STK32B: variants seen among roughly 807,000 people sequenced by gnomAD.
STK32B encodes serine/threonine-protein kinase 32B.
Under a neutral mutation model 52.6 loss-of-function variants are expected in STK32B, and 43 were observed. The observed-to-expected ratio is 0.82, with a 90% confidence interval of 0.64 to 1.05. STK32B has a LOEUF of 1.05. STK32B is among the 50% of genes least tolerant of loss of function. The probability of loss-of-function intolerance (pLI) is 0.00; values close to 1 mark genes in which losing one functional copy is unlikely to be tolerated. For synonymous variants in STK32B, 238 were observed against 204.3 expected, an observed-to-expected ratio of 1.17 and a Z score of -1.41; for missense variants, 621 against 534.6, an observed-to-expected ratio of 1.16 and a Z score of -1.59.
intron 3 of STK32B, among the ~76,000 whole-genome samples, chr4:5,330,758 C>T (rs1346558435): frequency 6.6e-6 from 1 of 152,162 alleles, no homozygotes; most frequent in African/African-American, 2.4e-5. Context: ...TGTCCCATAA[C>T]ACCACTGCAT....
chr4:5,142,446 C>T (rs929119347), intron 2 of STK32B, among the ~76,000 whole-genome samples: 5 of 152,210 alleles, frequency 3.3e-5, no homozygotes, highest in South Asian at 4.1e-4. Flanking sequence ...TCTACACAAT[C>T]CAGACTTCAC....
At chr4:5,119,585 T>A (rs1216346274) in intron 1 of STK32B, among the ~76,000 whole-genome samples, 1 of 152,238 alleles carries the variant, frequency 6.6e-6, no homozygotes, top group Non-Finnish European at 1.5e-5. Flanking sequence ...TCAAGGTTTA[T>A]CTCCTTCCAA....
intron 3 of STK32B, among the ~76,000 whole-genome samples, chr4:5,318,019 C>T (rs1466777931): frequency 6.6e-6 from 1 of 152,104 alleles, no homozygotes; most frequent in African/African-American, 2.4e-5. Flanking sequence ...TCCCCAGATC[C>T]TTCTGAATGC....
Position 5,498,976 on chromosome 4 carries a change from C to T in STK32B, c.1138C>T (p.Leu380Phe). ...GAGGCAGCAGGGACAGGGCAGCCAG[C>T]TCTTGGACACCGACAGCCGAGGGGG... ...LRRQQGQGSQ[L>F]LDTDSRGGGQ... Residue 380 changes from leucine (L) to phenylalanine (F), a missense_variant, in exon 12 of 12, where the codon CTC (leucine) becomes TTC (phenylalanine). By Grantham distance (22) the Leu-to-Phe change is conservative. Coordinates refer to ENST00000282908, the MANE Select transcript of STK32B (RefSeq NM_018401.3). 1 of 1,613,718 alleles carries T rather than the reference C, an allele frequency of 6.2e-7. No individual in the cohort carries two copies. The highest frequency in any genetic ancestry group is 8.5e-7 in the Non-Finnish European group (1 of 1,179,760).
intron 3 of STK32B, among the ~76,000 whole-genome samples, chr4:5,253,663 CT>C (rs1726100261): frequency 1.3e-5 from 2 of 152,112 alleles, no homozygotes; most frequent in South Asian, 4.1e-4. Flanking sequence ...GCGTGAGACA[CT>C]GCACCCAGCC....
At position 5,172,907 on chromosome 4, in the gene STK32B, T is replaced by G. The variant is rs561845381; in HGVS notation, c.260+4457T>G. ...TGGTACCAGTTCCTCCTTGTACCTC[T>G]AGTAGAATTCGGCTGTGAATCCGTC... On this transcript the variant is annotated intron_variant, in intron 3 of 11. Coordinates refer to ENST00000282908, the MANE Select transcript of STK32B (RefSeq NM_018401.3). 2.6e-5 allele frequency among the ~76,000 whole-genome samples: 4 copies of G among 152,352 alleles called. No homozygotes were observed. In the East Asian group the frequency reaches 7.7e-4, roughly 29 times the overall value.
At chr4:5,283,900 A>G (rs1728374156) in intron 3 of STK32B, among the ~76,000 whole-genome samples, 1 of 152,218 alleles carries the variant, frequency 6.6e-6, no homozygotes, top group African/African-American at 2.4e-5. Flanking sequence ...ACCAAAAAAA[A>G]TGAAAGTGAA....
At chr4:5,372,462 C>T (rs1735305660) in intron 4 of STK32B, among the ~76,000 whole-genome samples, 1 of 152,134 alleles carries the variant, frequency 6.6e-6, no homozygotes, top group African/African-American at 2.4e-5. Context: ...CCTCTCACTC[C>T]CTTAGCACAC....
rs753559150 is a variant in STK32B, at chr4:5,456,852, A to C, written c.712A>C (p.Asn238His). ...GGTCACGCCCATCGATGAAATCCTC[A>C]ACATGTTCAAGGTGGAGCGTGTCCA... ...HSVTPIDEIL[N>H]MFKVERVHYS... The change falls in exon 8 of 12, where the codon AAC becomes CAC. Residue 238 changes from asparagine to histidine, a missense_variant. Transcript: ENST00000282908. 6.3e-7 allele frequency: 1 copy of C among 1,598,404 alleles called. No homozygotes were observed. The highest frequency in any genetic ancestry group is 8.5e-7 in the Non-Finnish European group (1 of 1,170,842).
intron 7 of STK32B, among the ~76,000 whole-genome samples, chr4:5,455,340 T>C (rs1285847195): frequency 1.3e-5 from 2 of 152,178 alleles, no homozygotes; most frequent in African/African-American, 2.4e-5. Context: ...CTCGATCACG[T>C]GGTGGTGACA....
chr4:5,189,036 A>T (rs1204244093), intron 3 of STK32B, among the ~76,000 whole-genome samples: 1 of 151,758 alleles, frequency 6.6e-6, no homozygotes, highest in African/African-American at 2.4e-5. Flanking sequence ...AGAAAAACAG[A>T]TGTAAAAGTT....
chr4:5,468,742 C>A (rs1310397379), intron 11 of STK32B, among the ~76,000 whole-genome samples: 2 of 152,088 alleles, frequency 1.3e-5, no homozygotes, highest in East Asian at 3.9e-4. Context: ...CAGGCAGACA[C>A]CTCAGGCTCG....
At chr4:5,200,399 T>C (rs1320734937) in intron 3 of STK32B, among the ~76,000 whole-genome samples, 1 of 152,118 alleles carries the variant, frequency 6.6e-6, no homozygotes, top group Non-Finnish European at 1.5e-5. Context: ...GGCCGAGATA[T>C]ACTGAAATAA....
chr4:5,324,125 A>T (rs1577349223), intron 3 of STK32B, among the ~76,000 whole-genome samples: 2 of 152,362 alleles, frequency 1.3e-5, no homozygotes, highest in South Asian at 4.1e-4. Flanking sequence ...AGGCCGATGC[A>T]GGAAGATCAC....
rs150467027 is a variant in STK32B, at chr4:5,408,972, C to T, written c.473-7873C>T. ...GAAGACAATGGGGCTCAGAGTGAAA[C>T]CTACCTGGGGCTTGAATTCTGGCTG... is the stretch of plus-strand genomic sequence containing the variant. On this transcript the variant is annotated intron_variant, in intron 5 of 11. Transcript: ENST00000282908. Among the ~76,000 whole-genome samples the T allele has an allele frequency of 2.5e-3, 387 of 152,222 alleles. 2 individuals carry two copies. Among genetic ancestry groups the T allele is most frequent in the African/African-American group, 8.8e-3 (367 of 41,502 alleles).
chr4:5,143,116 T>TGTCTGTCTGTCTGTCC (rs749901189), intron 2 of STK32B, among the ~76,000 whole-genome samples: 1 of 148,550 alleles, frequency 6.7e-6, no homozygotes, highest in Non-Finnish European at 1.5e-5. Flanking sequence ...TCTGTCTGTC[T>TGTCTGTCTGTCTGTCC]GTCTGTCTGT....
At chr4:5,257,241 GAA>G (rs2108840028) in intron 3 of STK32B, among the ~76,000 whole-genome samples, 1 of 121,496 alleles carries the variant, frequency 8.2e-6, no homozygotes, top group African/African-American at 5.9e-5. Context: ...ATGAATGAGT[GAA>G]TGATTGAGTG....
intron 4 of STK32B, among the ~76,000 whole-genome samples, chr4:5,337,856 A>C (rs1732810104): frequency 6.6e-6 from 1 of 152,202 alleles, no homozygotes; most frequent in African/African-American, 2.4e-5. Flanking sequence ...CTGAAAATCT[A>C]ACCAAAAACT....
intron 1 of STK32B, among the ~76,000 whole-genome samples, chr4:5,125,855 A>T (rs924148410): frequency 2.8e-4 from 43 of 152,194 alleles, no homozygotes; most frequent in African/African-American, 1.0e-3. Flanking sequence ...CCTCTCCCAC[A>T]GACCCCCACG....
Sources: allele counts gnomAD v4.1 joint callset (sites outside exome capture counted in the v4.1 genomes callset), GRCh38; gene constraint gnomAD v4.1.1; transcripts MANE v1.5; gene names NCBI Gene and HGNC (gene_info 2026-07-23, HGNC 2026-07-21).